UTP20: variants seen among roughly 807,000 people sequenced by gnomAD.
UTP20 encodes the protein UTP20 small subunit processome component.
Under a neutral mutation model 329.5 loss-of-function variants are expected in UTP20, and 164 were observed. The observed-to-expected ratio is 0.50, with a 90% CI of 0.44 to 0.57. The LOEUF is 0.57. UTP20 is among the 20% of genes least tolerant of loss of function. The pLI is 0.00. For synonymous variants in UTP20, 1,151 were observed against 1,159.3 expected, an observed-to-expected ratio of 0.99 and a Z score of 0.14; for missense variants, 3,055 against 3,284.2, an observed-to-expected ratio of 0.93 and a Z score of 1.71.
rs541590044 is a variant in UTP20, at chr12:101,371,812, G to A, written c.6798+644G>A. 9.9e-5 allele frequency among the ~76,000 whole-genome samples: 15 copies of A among 152,250 alleles called. No individual in the cohort carries two copies. In the South Asian group the frequency reaches 1.0e-3, roughly 11 times the overall value. The stretch of plus-strand genomic sequence containing the variant: ...CTCCCAAAGTGCTGGGATTACAGGC[G>A]TGAGCCATGGTGCCTGGTGGGGCTT... On this transcript the variant is annotated intron_variant, in intron 51 of 61. Coordinates refer to ENST00000261637, the MANE Select transcript of UTP20 (RefSeq NM_014503.3).
intron 18 of UTP20, among the ~76,000 whole-genome samples, chr12:101,308,675 T>G (rs1428989376): frequency 6.6e-6 from 1 of 151,554 alleles, no homozygotes; most frequent in Non-Finnish European, 1.5e-5. Flanking sequence ...TAATGTCAGG[T>G]TTAAAGCTTG....
At chr12:101,341,809 G>A (rs544238927) in intron 32 of UTP20, among the ~76,000 whole-genome samples, 2 of 152,144 alleles carry the variant, frequency 1.3e-5, no homozygotes, top group Admixed American at 1.3e-4. Context: ...GGAGGCTGAG[G>A]CAGGAGAATC....
chr12:101,378,680 C>T (rs114652933), intron 56 of UTP20, among the ~76,000 whole-genome samples: 253 of 151,776 alleles, frequency 1.7e-3, no homozygotes, highest in African/African-American at 5.5e-3. Context: ...GAGTACACCA[C>T]TGCACTCCAG....
intron 55 of UTP20, 113 bp from the exon 56 acceptor site, chr12:101,375,511 C>T (rs1870443507): frequency 2.6e-5 from 28 of 1,065,614 alleles, no homozygotes; most frequent in Non-Finnish European, 3.6e-5. Context: ...CCCACAATGT[C>T]AGGAGTGCCG....
chr12:101,335,258 G>A (rs1008564898), intron 29 of UTP20, among the ~76,000 whole-genome samples: 21 of 148,034 alleles, frequency 1.4e-4, no homozygotes, highest in African/African-American at 4.7e-4. Flanking sequence ...TTTAGAGTAT[G>A]TATTACAGCT....
intron 54 of UTP20, 46 bp from the exon 55 acceptor site, chr12:101,374,762 G>C (rs780670270): frequency 1.8e-5 from 15 of 834,374 alleles, no homozygotes; most frequent in Non-Finnish European, 2.9e-5. Context: ...TTCAGTAAAG[G>C]CCTCCCAAGT....
chr12:101,382,808 G>T (rs1428255935), intron 58 of UTP20, among the ~76,000 whole-genome samples: 1 of 150,416 alleles, frequency 6.6e-6, no homozygotes. Flanking sequence ...AGCCGAGATT[G>T]CACCACTGCC....
chr12:101,299,737 G>T lies in UTP20; in HGVS notation c.1486G>T (p.Val496Leu). The T allele has an allele frequency of 6.2e-7, 1 of 1,612,762 alleles. No homozygotes were observed. Among genetic ancestry groups the T allele is most frequent in the Non-Finnish European group, 8.5e-7 (1 of 1,179,570 alleles). ...CAAGGGAAGAAACGAACAGTTTCCA[G>T]TATTGGACCATCTTTTATCTATAAT... ...RSKGRNEQFP[V>L]LDHLLSIIKL... Residue 496 changes from valine to leucine, a missense_variant, in exon 13 of 62, where the codon GTA becomes TTA. Physicochemically the swap from Val to Leu is conservative, Grantham distance 32 (BLOSUM62 1). Transcript: ENST00000261637.
At chr12:101,365,737 T>A in intron 46 of UTP20, 112 bp downstream of exon 46, 2 of 822,512 alleles carry the variant, frequency 2.4e-6, no homozygotes, top group African/African-American at 1.8e-5. Flanking sequence ...TCCACCTGAG[T>A]TCTCAGATGG....
chr12:101,298,810 C>T (rs1446978330), intron 12 of UTP20, among the ~76,000 whole-genome samples: 1 of 151,772 alleles, frequency 6.6e-6, no homozygotes, highest in Admixed American at 6.6e-5. Context: ...AGACACTAAA[C>T]ATCCTGGTAA....
chr12:101,355,849 G>A (rs2120981139), intron 41 of UTP20, among the ~76,000 whole-genome samples: 1 of 150,452 alleles, frequency 6.6e-6, no homozygotes, highest in African/African-American at 2.4e-5. Flanking sequence ...TTTATTTGAG[G>A]CCCTGTATTT....
chr12:101,380,880 A>AT (rs1243699043), intron 57 of UTP20, among the ~76,000 whole-genome samples: 1 of 151,146 alleles, frequency 6.6e-6, no homozygotes, highest in African/African-American at 2.4e-5. Context: ...AAAAAAAAAA[A>AT]AAAAAATGTA....
At chr12:101,345,081 G>T (rs1323691027) in intron 36 of UTP20, among the ~76,000 whole-genome samples, 6 of 151,584 alleles carry the variant, frequency 4.0e-5, no homozygotes, top group South Asian at 4.2e-4. Flanking sequence ...GAGTAGCCGG[G>T]ATTACAGGCA....
rs1364591236 is a variant in UTP20 at position 101,329,361 on chromosome 12, A to T, written c.3329A>T (p.His1110Leu). The change falls in exon 27 of 62, where the codon CAT becomes CTT. Residue 1110 changes from histidine (H) to leucine (L), a missense_variant. Around this residue, in one of 3 missense-constraint regions of UTP20, gnomAD observed 2,445 missense variants for 2,575.5 expected, o/e 0.95. Coordinates refer to ENST00000261637, the MANE Select transcript of UTP20 (RefSeq NM_014503.3). ...SLEIVLKNIS[H>L]LISAYLPKIL... ...GAGATAGTATTGAAAAACATTAGTC[A>T]TCTGATCAGCGCATACCTGCCGAAG... The T allele has an allele frequency of 3.7e-6, 6 of 1,614,092 alleles. No homozygotes were observed. The South Asian group carries it at 6.6e-5, about 18-fold the overall frequency.
intron 58 of UTP20, 103 bp downstream of exon 58, chr12:101,381,314 C>G (rs1280462486): frequency 1.0e-6 from 1 of 979,714 alleles, no homozygotes; most frequent in African/African-American, 1.6e-5. Context: ...GCCAGATCAC[C>G]CCGAGGTCAG....
At chr12:101,307,232 C>T (rs1436294886) in intron 17 of UTP20, among the ~76,000 whole-genome samples, 7 of 148,402 alleles carry the variant, frequency 4.7e-5, no homozygotes, top group Non-Finnish European at 1.0e-4. Context: ...CTCCTGTCTA[C>T]CAATAAAGTC....
rs747791171 is a variant in UTP20 at position 101,345,732 on chromosome 12, A to G, written c.4746+38A>G. On this transcript the variant is annotated intron_variant, in intron 37 of 61. Coordinates refer to ENST00000261637, the MANE Select transcript of UTP20 (RefSeq NM_014503.3). Reference sequence around the variant, plus strand: ...TCTGCTTTTTCCTACCTACGACATAAGCATACATATTTCAAACAGTTCTAC... The same window carrying G: ...TCTGCTTTTTCCTACCTACGACATAGGCATACATATTTCAAACAGTTCTAC... The G allele has an allele frequency of 1.9e-6, 3 of 1,569,396 alleles. No homozygotes were observed. The African/African-American group carries it at 4.1e-5, about 22-fold the overall frequency.
At position 101,280,177 on chromosome 12, in the gene UTP20, C is replaced by G; in HGVS notation, c.-106C>G. 1 of 1,408,030 alleles carries G rather than the reference C, an allele frequency of 7.1e-7. No individual in the cohort carries two copies. Among genetic ancestry groups the G allele is most frequent in the Non-Finnish European group, 9.7e-7 (1 of 1,033,758 alleles). 87.2% of individuals were successfully genotyped at this position (1,408,030 alleles called of 1,614,324 possible). ...GCCGCACGTGAGAAAGTCTGGGCAT[C>G]TGGGAATCGGAGAGTATAGCCTGTG... On this transcript the variant is annotated 5_prime_UTR_variant, in exon 1 of 62. In the 5' UTR this introduces an upstream ATG that the reference lacks. Transcript: ENST00000261637.
chr12:101,317,481 T>A lies in UTP20; in HGVS notation c.2556T>A (p.Asn852Lys). ...LSPLFLRFINNEYYPADLQVA... is the reference protein window; with the variant it reads ...LSPLFLRFINKEYYPADLQVA... The stretch of plus-strand genomic sequence containing the variant: ...TGTGACTTTCTTTCCACGGTAGCAA[T>A]GAGTATTACCCAGCAGATCTGCAAG... The change falls in exon 22 of 62, where the codon AAT becomes AAA. Residue 852 changes from asparagine to lysine, a missense_variant. Transcript: ENST00000261637. The A allele has an allele frequency of 6.2e-7, 1 of 1,613,532 alleles. No individual in the cohort carries two copies. The highest frequency in any genetic ancestry group is 1.1e-5 in the South Asian group (1 of 90,958).
Sources: allele counts gnomAD v4.1 joint callset (sites outside exome capture counted in the v4.1 genomes callset), GRCh38; gene constraint gnomAD v4.1.1; regional missense constraint gnomAD v4.1.1; transcripts MANE v1.5; gene names NCBI Gene and HGNC (gene_info 2026-07-23, HGNC 2026-07-21).